Variants in RBFOX1 observed in about 807,000 individuals in gnomAD.
The protein encoded by RBFOX1 is RNA binding fox-1 homolog 1, also known as RNA binding protein fox-1 homolog 1.
In RBFOX1, 8 loss-of-function variants were observed where a neutral mutation model predicts 57.7. The ratio of observed to expected loss-of-function variants is 0.14; its 90% CI spans 0.08 to 0.25. The LOEUF (loss-of-function observed/expected upper bound fraction) is 0.25. RBFOX1 is among the 10% of genes least tolerant of loss of function. The pLI is 1.00. For missense variants in RBFOX1, 611 were observed against 548.5 expected (o/e 1.11, Z -1.14); for synonymous variants, 326 against 222.4 (o/e 1.47, Z -4.15).
At chr16:5,665,292 C>G (rs1329087091) in intron 3 of RBFOX1, among the ~76,000 whole-genome samples, 2 of 152,172 alleles carry the variant, frequency 1.3e-5, no homozygotes, top group Non-Finnish European at 2.9e-5. Flanking sequence ...CATGTCCCCT[C>G]TGCCCCAAAT....
intron 4 of RBFOX1, among the ~76,000 whole-genome samples, chr16:7,470,708 G>A (rs1340619662): frequency 6.6e-6 from 1 of 151,970 alleles, no homozygotes; most frequent in African/African-American, 2.4e-5. Flanking sequence ...ATATAGATGG[G>A]GGGAAAGATG....
intron 4 of RBFOX1, among the ~76,000 whole-genome samples, chr16:7,423,845 G>T (rs148574503): frequency 4.5e-4 from 68 of 152,256 alleles, no homozygotes; most frequent in African/African-American, 1.6e-3. Flanking sequence ...ATAGCAGAAG[G>T]GTGGAGGTGG....
At chr16:7,446,628 A>G (rs1420103935) in intron 4 of RBFOX1, among the ~76,000 whole-genome samples, 3 of 152,100 alleles carry the variant, frequency 2.0e-5, no homozygotes. Flanking sequence ...AGCTTCCTGA[A>G]CCACATGAGC....
chr16:7,359,879 G>T (rs188874111), intron 4 of RBFOX1, among the ~76,000 whole-genome samples: 263 of 152,194 alleles, frequency 1.7e-3, no homozygotes, highest in African/African-American at 6.0e-3. Flanking sequence ...AGCTGCTGGG[G>T]AGGCTGAGGC....
chr16:7,656,694 T>A (rs1022681120), intron 12 of RBFOX1, among the ~76,000 whole-genome samples: 19 of 152,168 alleles, frequency 1.2e-4, no homozygotes, highest in African/African-American at 4.6e-4. Context: ...TATTGTGTTT[T>A]AGGCACTGTT....
At chr16:6,294,513 G>T (rs2077848870) in intron 1 of RBFOX1, among the ~76,000 whole-genome samples, 1 of 152,182 alleles carries the variant, frequency 6.6e-6, no homozygotes, top group African/African-American at 2.4e-5. Context: ...AACAGGCTTA[G>T]CTCAGAGTTT....
chr16:7,292,281 CAT>C (rs1208945426), intron 4 of RBFOX1, among the ~76,000 whole-genome samples: 10 of 121,492 alleles, frequency 8.2e-5, no homozygotes, highest in Non-Finnish European at 1.4e-4. Flanking sequence ...TATTATATAT[CAT>C]ATATCATATA....
At chr16:6,515,350 C>A (rs1356396599) in intron 2 of RBFOX1, among the ~76,000 whole-genome samples, 1 of 152,190 alleles carries the variant, frequency 6.6e-6, no homozygotes, top group African/African-American at 2.4e-5. Flanking sequence ...GTCTTCTACT[C>A]AAACAACCTT....
intron 3 of RBFOX1, among the ~76,000 whole-genome samples, chr16:6,764,417 C>G (rs950277899): frequency 6.6e-6 from 1 of 152,156 alleles, no homozygotes; most frequent in Non-Finnish European, 1.5e-5. Flanking sequence ...AGTTCTGTTA[C>G]CAGCAGGTAA....
chr16:7,290,362 A>C (rs2095743818), intron 4 of RBFOX1, among the ~76,000 whole-genome samples: 1 of 152,216 alleles, frequency 6.6e-6, no homozygotes, highest in Admixed American at 6.5e-5. Flanking sequence ...GCTGGTTCAC[A>C]CACTGATACT....
intron 3 of RBFOX1, among the ~76,000 whole-genome samples, chr16:6,842,508 T>A (rs1396442446): frequency 2.6e-5 from 4 of 152,138 alleles, no homozygotes; most frequent in Non-Finnish European, 4.4e-5. Context: ...GAATCATATA[T>A]TTTTATCCTG....
At chr16:6,112,041 T>C (rs998162655) in intron 1 of RBFOX1, among the ~76,000 whole-genome samples, 3 of 152,160 alleles carry the variant, frequency 2.0e-5, no homozygotes, top group African/African-American at 7.2e-5. Context: ...TAGGTGATGT[T>C]ATAGATTGAA....
chr16:6,339,961 G>A (rs1249770456), intron 2 of RBFOX1, among the ~76,000 whole-genome samples: 1 of 152,114 alleles, frequency 6.6e-6, no homozygotes, highest in Non-Finnish European at 1.5e-5. Flanking sequence ...ACAGGCATGA[G>A]CCACCGTGCC....
At chr16:6,719,909 A>G (rs1169473447) in intron 3 of RBFOX1, among the ~76,000 whole-genome samples, 1 of 151,744 alleles carries the variant, frequency 6.6e-6, no homozygotes, top group Non-Finnish European at 1.5e-5. Context: ...CCTGGCCATC[A>G]TGGTGAAAAC....
intron 4 of RBFOX1, among the ~76,000 whole-genome samples, chr16:7,452,199 A>T (rs975048180): frequency 6.6e-6 from 1 of 152,238 alleles, no homozygotes; most frequent in Non-Finnish European, 1.5e-5. Flanking sequence ...TATAAATAAC[A>T]ATATGGATGA....
intron 2 of RBFOX1, among the ~76,000 whole-genome samples, chr16:6,405,356 C>T (rs996992073): frequency 6.6e-6 from 1 of 152,132 alleles, no homozygotes; most frequent in Non-Finnish European, 1.5e-5. Flanking sequence ...ATCTCAATAG[C>T]TTCATAAAAC....
At chr16:5,921,241 G>A (rs922146356) in intron 4 of RBFOX1, among the ~76,000 whole-genome samples, 1 of 152,206 alleles carries the variant, frequency 6.6e-6, no homozygotes, top group African/African-American at 2.4e-5. Context: ...AGCTTTCTGT[G>A]TAGCTTCTCA....
exon 3 of RBFOX1, chr16:5,599,287 C>T (rs538413126): frequency 3.1e-5 from 20 of 641,156 alleles, no homozygotes; most frequent in African/African-American, 1.8e-4. Context: ...CCTGGTGTGA[C>T]GGCCCCAGGT....
At chr16:7,569,424 T>C (rs964589883) in intron 5 of RBFOX1, among the ~76,000 whole-genome samples, 1 of 152,048 alleles carries the variant, frequency 6.6e-6, no homozygotes, top group Non-Finnish European at 1.5e-5. Context: ...TCAGTAATGG[T>C]GGGTTGAGTT....
Sources: gnomAD v4.1 joint callset for allele counts (sites outside exome capture counted in the v4.1 genomes callset) on GRCh38, gnomAD v4.1.1 for gene constraint, MANE v1.5 for transcripts, NCBI Gene and HGNC (gene_info 2026-07-23, HGNC 2026-07-21) for gene names.